MARK2: variants seen among roughly 807,000 people sequenced by gnomAD.
MARK2 encodes the protein serine/threonine-protein kinase MARK2.
MARK2 carries 16 observed loss-of-function variants against 89.8 expected under a neutral mutation model. That is an observed-to-expected ratio of 0.18 (90% confidence interval 0.12 to 0.27). The LOEUF (loss-of-function observed/expected upper bound fraction) is 0.27, where lower values mean the gene tolerates loss of function less well. Ranked by LOEUF, MARK2 falls within the 10% of genes least tolerant of loss-of-function variation. The probability of loss-of-function intolerance (pLI) is 1.00; values close to 1 mark genes in which losing one functional copy is unlikely to be tolerated. For missense variants in MARK2, 621 were observed against 1,049.9 expected (o/e 0.59, Z 5.65); for synonymous variants, 382 against 399.5 (o/e 0.96, Z 0.52).
At chr11:63,875,239 G>T (rs896277422) in intron 1 of MARK2, among the ~76,000 whole-genome samples, 15 of 151,258 alleles carry the variant, frequency 9.9e-5, no homozygotes, top group African/African-American at 3.7e-4. Context: ...TCCTGCCTCA[G>T]CCTCTTGAGT....
intron 1 of MARK2, among the ~76,000 whole-genome samples, chr11:63,860,468 C>T (rs1396915010): frequency 1.3e-5 from 2 of 151,644 alleles, no homozygotes; most frequent in African/African-American, 2.4e-5. Context: ...AGGAGAATTG[C>T]TTGAACCCAG....
intron 1 of MARK2, among the ~76,000 whole-genome samples, chr11:63,864,331 CA>C (rs898578097): frequency 2.0e-5 from 3 of 152,118 alleles, no homozygotes; most frequent in Non-Finnish European, 1.5e-5. Flanking sequence ...CGGCTCACCG[CA>C]ACCTCCGCCT....
rs1417500347 is a variant in MARK2, at chr11:63,900,895, G to A, written c.988+16G>A. The A allele has an allele frequency of 1.2e-6, 2 of 1,613,722 alleles. No individual in the cohort carries two copies. The highest frequency in any genetic ancestry group is 4.5e-5 in the East Asian group (2 of 44,890). On this transcript the variant is annotated intron_variant, in intron 10 of 18. Transcript: ENST00000402010. This position sits in a 1 kb window ranked among gnomAD's most constrained non-coding sequence, Gnocchi z 4.7. ...CGGCGGACAGGTGAGGCTGTGCCGG[G>A]CTGTGAGGTTAAGCTTGCCTAGGAG...
At position 63,903,931 on chromosome 11, in the gene MARK2, C is replaced by T. The variant is rs998583481; in HGVS notation, c.1515-55C>T. The T allele has an allele frequency of 4.1e-6, 6 of 1,475,602 alleles. No individual in the cohort carries two copies. The highest frequency in any genetic ancestry group is 1.8e-6 in the Non-Finnish European group (2 of 1,093,244). 91.4% of individuals were successfully genotyped at this position (1,475,602 alleles called of 1,614,324 possible). A position where few individuals can be genotyped will look rare whatever the true frequency, so the allele number is the denominator to read the frequency against. On this transcript the variant is annotated intron_variant, in intron 14 of 18. Transcript: ENST00000402010. The surrounding 1 kb of genome is among the most constrained non-coding windows in gnomAD (Gnocchi z 5.1). ...CCCTGCCCTTGCTTCCTAATCCAGG[C>T]CTCCCGCCCTCACTCACCCCTAACA... is the stretch of plus-strand genomic sequence containing the variant.
chr11:63,883,826 A>G (rs1398477449), intron 1 of MARK2, among the ~76,000 whole-genome samples: 1 of 152,138 alleles, frequency 6.6e-6, no homozygotes, highest in East Asian at 1.9e-4. Flanking sequence ...GGCTCAAGGG[A>G]TCTGCCTGTC....
chr11:63,895,070 C>G (rs932127520), intron 1 of MARK2, 89 bp from the exon 2 acceptor site: 12 of 1,127,216 alleles, frequency 1.1e-5, no homozygotes, highest in Non-Finnish European at 1.5e-5. Context: ...GAATCTGCCC[C>G]TGCACCCTCA....
chr11:63,888,881 C>A, intron 1 of MARK2: 1 of 1,339,048 alleles, frequency 7.5e-7, no homozygotes, highest in African/African-American at 1.5e-5. Context: ...GGCCTCTGTA[C>A]TTTGCCCTCG....
intron 1 of MARK2, among the ~76,000 whole-genome samples, chr11:63,874,852 G>C (rs1040636646): frequency 1.3e-5 from 2 of 151,152 alleles, no homozygotes; most frequent in African/African-American, 4.9e-5. Flanking sequence ...CCTGGTCCAC[G>C]AAGAAAGGTA....
At chr11:63,891,248 C>T (rs1939832143) in intron 1 of MARK2, among the ~76,000 whole-genome samples, 1 of 152,096 alleles carries the variant, frequency 6.6e-6, no homozygotes, top group Non-Finnish European at 1.5e-5. Flanking sequence ...GCCACTGTGC[C>T]TGGCTTGATG....
rs534613381 is a variant in MARK2, at chr11:63,887,629, G to C, written c.55-7530G>C. 6.0e-4 allele frequency among the ~76,000 whole-genome samples: 92 copies of C among 152,318 alleles called. 1 individual carries two copies. The South Asian group carries it at 0.018, about 30-fold the overall frequency. On this transcript the variant is annotated intron_variant, in intron 1 of 18. Coordinates refer to ENST00000402010, the MANE Select transcript of MARK2 (RefSeq NM_001039469.3). Reference sequence around the variant, plus strand: ...TGAGAAGGTCACGGAGTTCCTTAATGAGAGGGAGCCTAGCCTAGAATAGGG... The same window carrying C: ...TGAGAAGGTCACGGAGTTCCTTAATCAGAGGGAGCCTAGCCTAGAATAGGG...
intron 1 of MARK2, among the ~76,000 whole-genome samples, chr11:63,886,386 A>C (rs1406801092): frequency 1.3e-5 from 2 of 151,268 alleles, no homozygotes; most frequent in East Asian, 3.9e-4. Flanking sequence ...GGCCTCCCAA[A>C]GTGCTGGGAT....
At chr11:63,845,410 G>T (rs922037318) in intron 1 of MARK2, among the ~76,000 whole-genome samples, 1 of 152,146 alleles carries the variant, frequency 6.6e-6, no homozygotes, top group Non-Finnish European at 1.5e-5. Flanking sequence ...AACCAGATAG[G>T]TGGCTAAATT....
At chr11:63,847,026 G>A (rs1028140221) in intron 1 of MARK2, among the ~76,000 whole-genome samples, 3 of 152,210 alleles carry the variant, frequency 2.0e-5, no homozygotes, top group African/African-American at 7.2e-5. Flanking sequence ...AGAAGGCTGA[G>A]ATGTGAGGAT....
chr11:63,896,834 A>AG (rs1940446646), intron 3 of MARK2, among the ~76,000 whole-genome samples: 2 of 151,798 alleles, frequency 1.3e-5, no homozygotes, highest in Non-Finnish European at 2.9e-5. Context: ...AGCGTGGGGT[A>AG]GGCCATTTGG....
intron 1 of MARK2, among the ~76,000 whole-genome samples, chr11:63,877,100 C>CT (rs757123411): frequency 0.012 from 916 of 79,518 alleles, 113 homozygotes; most frequent in African/African-American, 0.024. Context: ...CAATCAGACT[C>CT]TTTTTTTTTT....
At chr11:63,896,016 A>T (rs892876694) in intron 3 of MARK2, among the ~76,000 whole-genome samples, 1 of 151,806 alleles carries the variant, frequency 6.6e-6, no homozygotes, top group African/African-American at 2.4e-5. Context: ...TGATCTACTG[A>T]CCCCATTTAG....
chr11:63,854,164 T>G (rs1030352455), intron 1 of MARK2, among the ~76,000 whole-genome samples: 1 of 148,674 alleles, frequency 6.7e-6, no homozygotes, highest in East Asian at 2.0e-4. Flanking sequence ...TGAGCCACCA[T>G]GCCTGGCCAA....
intron 1 of MARK2, among the ~76,000 whole-genome samples, chr11:63,852,869 C>T (rs979785280): frequency 1.3e-5 from 2 of 152,140 alleles, no homozygotes; most frequent in African/African-American, 4.8e-5. Flanking sequence ...TTTATGCGTA[C>T]GTACTATGAG....
chr11:63,863,417 G>C (rs1591000100), intron 1 of MARK2, among the ~76,000 whole-genome samples: 2 of 151,980 alleles, frequency 1.3e-5, no homozygotes, highest in African/African-American at 4.8e-5. Flanking sequence ...AGCATGGGGT[G>C]AGAGTAAAGG....
Sources: gnomAD v4.1 joint callset for allele counts (sites outside exome capture counted in the v4.1 genomes callset) on GRCh38, gnomAD v4.1.1 for gene constraint, Gnocchi (gnomAD v3.1) non-coding constraint, MANE v1.5 for transcripts, NCBI Gene and HGNC (gene_info 2026-07-23, HGNC 2026-07-21) for gene names.